LARS2: variants seen among roughly 807,000 people sequenced by gnomAD.
The protein encoded by LARS2 is leucyl-tRNA synthetase 2, mitochondrial, also known as leucine--tRNA ligase, mitochondrial.
LARS2 carries 81 observed loss-of-function variants against 116.6 expected under a neutral mutation model. That is an observed-to-expected ratio of 0.69 (90% CI 0.58 to 0.84). The LOEUF is 0.84. LARS2 is among the 40% of genes least tolerant of loss of function. The probability of loss-of-function intolerance (pLI) is 0.00; values close to 1 mark genes in which losing one functional copy is unlikely to be tolerated. For missense variants in LARS2, 968 were observed against 1,114.5 expected, an observed-to-expected ratio of 0.87 and a Z score of 1.87; for synonymous variants, 396 against 407.2, an observed-to-expected ratio of 0.97 and a Z score of 0.33.
At chr3:45,464,228 A>T (rs1699384763) in intron 8 of LARS2, among the ~76,000 whole-genome samples, 1 of 152,024 alleles carries the variant, frequency 6.6e-6, no homozygotes, top group Admixed American at 6.6e-5. Context: ...GTGAGGGGAG[A>T]GAAGGGAAGT....
At chr3:45,536,378 G>A (rs1012959693) in intron 20 of LARS2, among the ~76,000 whole-genome samples, 1 of 152,202 alleles carries the variant, frequency 6.6e-6, no homozygotes, top group African/African-American at 2.4e-5. Flanking sequence ...CAAAGTGCTA[G>A]GATTATAGGC....
intron 21 of LARS2, among the ~76,000 whole-genome samples, chr3:45,546,043 G>C (rs948783390): frequency 2.6e-5 from 4 of 151,798 alleles, no homozygotes; most frequent in Non-Finnish European, 1.5e-5. Flanking sequence ...CCCCACATGA[G>C]AGCACCATGC....
chr3:45,448,066 A>G (rs1431473012), intron 7 of LARS2, among the ~76,000 whole-genome samples: 1 of 152,188 alleles, frequency 6.6e-6, no homozygotes, highest in Non-Finnish European at 1.5e-5. Flanking sequence ...TGGGAAACAC[A>G]GTGAGACCCT....
intron 14 of LARS2, 118 bp downstream of exon 14, chr3:45,496,491 T>A (rs1217551102): frequency 1.9e-5 from 15 of 774,178 alleles, no homozygotes; most frequent in African/African-American, 5.1e-5. Context: ...CTGTGCAGAT[T>A]AAAGGGGAGA....
rs1179182705 is a variant in LARS2, at chr3:45,496,315, A to G, written c.1564A>G (p.Thr522Ala). 11 of 1,614,204 alleles carry G rather than the reference A, an allele frequency of 6.8e-6. No individual in the cohort carries two copies. Among genetic ancestry groups the G allele is most frequent in the Non-Finnish European group, 9.3e-6 (11 of 1,180,004 alleles). The change falls in exon 14 of 22, where the codon ACC becomes GCC. Residue 522 changes from threonine (T) to alanine (A), a missense_variant. Coordinates refer to ENST00000645846, the MANE Select transcript of LARS2 (RefSeq NM_015340.4). ...CAAGAGAGAGACAGACACGATGGAT[A>G]CCTTTGTTGATTCTGCTTGGTACTA... ...AAKRETDTMDTFVDSAWYYFR... is the reference protein window; with the variant it reads ...AAKRETDTMDAFVDSAWYYFR...
At chr3:45,448,099 A>T (rs767657207) in intron 7 of LARS2, among the ~76,000 whole-genome samples, 1 of 152,100 alleles carries the variant, frequency 6.6e-6, no homozygotes, top group Non-Finnish European at 1.5e-5. Context: ...AGTAGGAAAA[A>T]ATTAGTCCCA....
Position 45,518,657 on chromosome 3 carries a change from A to G in LARS2, c.2214+585A>G, listed in dbSNP as rs571861891. On this transcript the variant is annotated intron_variant, in intron 18 of 21. Transcript: ENST00000645846. ...TTGTTACACAATATCCATGTGAACT[A>G]TTGTGGGTTAATTTCTGCAAATCTG... Among the ~76,000 whole-genome samples, 4 of 152,230 alleles carry G rather than the reference A, an allele frequency of 2.6e-5. 1 individual carries two copies. The South Asian group carries it at 8.3e-4, about 32-fold the overall frequency.
intron 21 of LARS2, among the ~76,000 whole-genome samples, chr3:45,545,977 C>T (rs1448501727): frequency 4.0e-5 from 6 of 148,400 alleles, no homozygotes; most frequent in Non-Finnish European, 7.5e-5. Flanking sequence ...AAAAAAAAAA[C>T]TAAGCTCAAG....
chr3:45,421,314 A>G (rs1050552586), intron 6 of LARS2: 1 of 152,250 alleles, frequency 6.6e-6, no homozygotes, highest in African/African-American at 2.4e-5. Flanking sequence ...TACTGTAAGA[A>G]TAGTAAAATT....
At position 45,435,097 on chromosome 3, in the gene LARS2, G is replaced by C. The variant is rs529780533; in HGVS notation, c.517-11794G>C. 2.0e-5 allele frequency among the ~76,000 whole-genome samples: 3 copies of C among 152,308 alleles called. No individual in the cohort carries two copies. The East Asian group carries it at 5.8e-4, about 29-fold the overall frequency. ...AGGTTTCCTGAATAATATAAGGGCT[G>C]TTTGTTAGATACAGGCATGTATCCC... is the stretch of plus-strand genomic sequence containing the variant. On this transcript the variant is annotated intron_variant, in intron 6 of 21. Coordinates refer to ENST00000645846, the MANE Select transcript of LARS2 (RefSeq NM_015340.4).
chr3:45,437,789 AT>A (rs1290173798), intron 6 of LARS2, among the ~76,000 whole-genome samples: 1 of 152,244 alleles, frequency 6.6e-6, no homozygotes, highest in Non-Finnish European at 1.5e-5. Context: ...TTCAACATTT[AT>A]TAAGCATCCT....
chr3:45,484,008 GGGCAACATAGGGACATCCT>G (rs1203483312), intron 10 of LARS2: 1 of 150,050 alleles, frequency 6.7e-6, no homozygotes, highest in Non-Finnish European at 1.5e-5. Flanking sequence ...AGACCAGCCT[GGGCAACATAGGGACATCCT>G]GGCTCTACAA....
chr3:45,520,077 G>A (rs1295095906), intron 18 of LARS2, 142 bp from the exon 19 acceptor site: 12 of 630,212 alleles, frequency 1.9e-5, no homozygotes, highest in South Asian at 3.8e-5. Context: ...GAAACATAGC[G>A]ATTATTTGAG....
At chr3:45,482,486 G>A (rs970680817) in intron 10 of LARS2, among the ~76,000 whole-genome samples, 1 of 152,168 alleles carries the variant, frequency 6.6e-6, no homozygotes, top group South Asian at 2.1e-4. Context: ...ATCCAATGAT[G>A]TATGCATTTC....
chr3:45,519,482 C>T (rs1700418903), intron 18 of LARS2, among the ~76,000 whole-genome samples: 1 of 121,318 alleles, frequency 8.2e-6, no homozygotes, highest in African/African-American at 2.7e-5. Flanking sequence ...CAAAGCGAGT[C>T]TCCGTCTCAA....
In LARS2 at chr3:45,431,922, C is replaced by T. The variant is rs117891577; in HGVS notation, c.516+12193C>T. Among the ~76,000 whole-genome samples the T allele has an allele frequency of 5.5e-3, 840 of 152,196 alleles. 20 individuals carry two copies. The highest frequency in any genetic ancestry group is 0.047 in the Admixed American group (724 of 15,290). On this transcript the variant is annotated intron_variant, in intron 6 of 21. Transcript: ENST00000645846. ...CCATCTATATGCTGTCTCCAACAGA[C>T]TCATTTTAGATCCAAAGACACAAAT...
chr3:45,462,919 C>A lies in LARS2; in HGVS notation c.750+4033C>A, dbSNP rs372878448. On this transcript the variant is annotated intron_variant, in intron 8 of 21. Transcript: ENST00000645846. The stretch of plus-strand genomic sequence containing the variant: ...TATTTGATTTTTCTCCTCTTACCCC[C>A]AACCCAGTCCTCCTAGGATTGTTTG... Among the ~76,000 whole-genome samples the A allele has an allele frequency of 2.0e-5, 3 of 152,318 alleles. No homozygotes were observed. In the South Asian group the frequency reaches 6.2e-4, roughly 32 times the overall value.
intron 10 of LARS2, among the ~76,000 whole-genome samples, chr3:45,484,603 C>CAAAAAAAAAAAAA (rs1156814528): frequency 6.8e-5 from 1 of 14,724 alleles, no homozygotes; most frequent in African/African-American, 1.8e-4. Context: ...CCTGTCTCTA[C>CAAAAAAAAAAAAA]AAAAAAAAAA....
chr3:45,509,093 A>G (rs989569399), intron 15 of LARS2, among the ~76,000 whole-genome samples: 1 of 152,082 alleles, frequency 6.6e-6, no homozygotes, highest in African/African-American at 2.4e-5. Flanking sequence ...CCAGGGATGT[A>G]CCGAAGGAGT....
Sources: gnomAD v4.1 joint callset for allele counts (sites outside exome capture counted in the v4.1 genomes callset) on GRCh38, gnomAD v4.1.1 for gene constraint, MANE v1.5 for transcripts, NCBI Gene and HGNC (gene_info 2026-07-23, HGNC 2026-07-21) for gene names.